The following DOCK7 variants were observed in gnomAD, a reference collection of about 807,000 sequenced individuals.
DOCK7 encodes the protein dedicator of cytokinesis 7.
In DOCK7, 138 loss-of-function variants were observed where a neutral mutation model predicts 271.0. The observed-to-expected ratio is 0.51, with a 90% CI of 0.44 to 0.59. The LOEUF (loss-of-function observed/expected upper bound fraction) is 0.59. Ranked by LOEUF, DOCK7 falls within the 20% of genes least tolerant of loss-of-function variation. DOCK7 has a pLI of 0.00. For synonymous variants in DOCK7, 823 were observed against 876.1 expected (o/e 0.94, Z 1.07); for missense variants, 2,066 against 2,592.4 (o/e 0.80, Z 4.41).
intron 31 of DOCK7, among the ~76,000 whole-genome samples, chr1:62,520,245 A>G (rs1331549077): frequency 1.3e-5 from 2 of 152,240 alleles, no homozygotes; most frequent in Admixed American, 1.3e-4. Context: ...GCCAAAATTG[A>G]CAAATGGGAT....
At chr1:62,545,164 A>G in intron 22 of DOCK7, 125 bp from the exon 23 acceptor site, 1 of 817,410 alleles carries the variant, frequency 1.2e-6, no homozygotes, top group South Asian at 2.2e-5. Flanking sequence ...TGTTAAAGCA[A>G]CCAAAATTTG....
intron 15 of DOCK7, chr1:62,584,406 C>G: frequency 1.0e-6 from 1 of 989,430 alleles, no homozygotes; most frequent in Non-Finnish European, 1.2e-6. Flanking sequence ...TTAAACAGCC[C>G]TTTTTTTAAA....
chr1:62,645,241 C>T (rs1656503602), intron 7 of DOCK7, among the ~76,000 whole-genome samples: 1 of 151,964 alleles, frequency 6.6e-6, no homozygotes, highest in African/African-American at 2.4e-5. Context: ...CCACAAAAAC[C>T]TATATACAAA....
At chr1:62,649,454 A>G (rs1187532405) in intron 4 of DOCK7, among the ~76,000 whole-genome samples, 1 of 152,212 alleles carries the variant, frequency 6.6e-6, no homozygotes, top group Non-Finnish European at 1.5e-5. Context: ...AAAGACACTC[A>G]ATATAGTAAC....
chr1:62,562,247 T>TTTTTTTTTTC, intron 18 of DOCK7, among the ~76,000 whole-genome samples: 1 of 133,776 alleles, frequency 7.5e-6, no homozygotes, highest in South Asian at 2.5e-4. Flanking sequence ...TTTTTTTTTT[T>TTTTTTTTTTC]TTGAAATAGA....
At chr1:62,603,668 A>T (rs917526105) in intron 14 of DOCK7, among the ~76,000 whole-genome samples, 1 of 151,782 alleles carries the variant, frequency 6.6e-6, no homozygotes, top group Non-Finnish European at 1.5e-5. Flanking sequence ...TCTACCAATG[A>T]CGAGACTTTA....
chr1:62,459,263 A>G (rs1225135534), intron 48 of DOCK7: 1 of 144,090 alleles, frequency 6.9e-6, no homozygotes, highest in African/African-American at 2.5e-5. Flanking sequence ...TTTTTTTTTG[A>G]GACAGTGTTG....
chr1:62,639,193 T>C (rs1655665003), intron 7 of DOCK7, among the ~76,000 whole-genome samples: 1 of 152,054 alleles, frequency 6.6e-6, no homozygotes, highest in African/African-American at 2.4e-5. Context: ...CCTGCCTCTT[T>C]TGGCCCTTTG....
chr1:62,482,850 C>A (rs1646168031), intron 43 of DOCK7: 1 of 152,142 alleles, frequency 6.6e-6, no homozygotes, highest in Non-Finnish European at 1.5e-5. Context: ...TATACTTCAG[C>A]ATAAAAATCA....
chr1:62,506,417 T>C (rs1464737823), intron 35 of DOCK7, among the ~76,000 whole-genome samples: 1 of 152,082 alleles, frequency 6.6e-6, no homozygotes, highest in East Asian at 1.9e-4. Context: ...TATCTTGGAC[T>C]TATTAAATTT....
chr1:62,604,707 A>G (rs1571736476), intron 14 of DOCK7: 1 of 1,613,324 alleles, frequency 6.2e-7, no homozygotes, highest in African/African-American at 1.3e-5. Flanking sequence ...AGCAAAATCT[A>G]AGCCAGAGAG....
intron 22 of DOCK7, among the ~76,000 whole-genome samples, chr1:62,551,642 T>C (rs1645909224): frequency 6.6e-6 from 1 of 152,010 alleles, no homozygotes; most frequent in Non-Finnish European, 1.5e-5. Flanking sequence ...TATTAGTGAT[T>C]ACAACTAAAC....
rs751507729 is a variant in DOCK7, at chr1:62,647,798, C to A, written c.733-22G>T. ...CTTCCTACAAATTGAAAAGCAACAC[C>A]AAAATGAATATGCTTATCATATTCC... On this transcript the variant is annotated intron_variant, in intron 6 of 49. Transcript: ENST00000635253. 2.5e-5 allele frequency: 37 copies of A among 1,508,328 alleles called. No homozygotes were observed. The South Asian group carries it at 4.3e-4, about 18-fold the overall frequency. 93.4% of individuals were successfully genotyped at this position (1,508,328 alleles called of 1,614,324 possible).
intron 22 of DOCK7, among the ~76,000 whole-genome samples, chr1:62,549,926 TTG>T (rs1281604985): frequency 4.6e-5 from 7 of 152,238 alleles, no homozygotes; most frequent in Non-Finnish European, 7.3e-5. Flanking sequence ...CATGTGAAGC[TTG>T]TCTTTCTGTG....
chr1:62,597,575 A>T (rs1394023534), intron 14 of DOCK7: 7 of 1,612,578 alleles, frequency 4.3e-6, no homozygotes, highest in Non-Finnish European at 5.9e-6. Context: ...AAATGTTCAC[A>T]ATTAAGCTCC....
Position 62,552,792 on chromosome 1 carries a change from T to C in DOCK7, c.2706A>G (p.Pro902=), listed in dbSNP as rs1347368530. Residue 902 remains proline, a synonymous_variant, in exon 22 of 50, where the codon CCA becomes CCG. Transcript: ENST00000635253. The stretch of plus-strand genomic sequence containing the variant: ...GTGACGTGGGAGTCCCAGATATATC[T>C]GGATTGCTATTACTAAGGCTTCGAG... ...NRSRSLSNSN[P]DISGTPTSPD... is the part of the protein sequence containing the mutation. 1 of 1,614,008 alleles carries C rather than the reference T, an allele frequency of 6.2e-7. No individual in the cohort carries two copies. Among genetic ancestry groups the C allele is most frequent in the Non-Finnish European group, 8.5e-7 (1 of 1,179,976 alleles).
intron 42 of DOCK7, chr1:62,487,753 A>G (rs921024894): frequency 9.7e-6 from 2 of 205,430 alleles, no homozygotes; most frequent in African/African-American, 2.3e-5. Context: ...ACAAACTGCA[A>G]CTCTGCTCAA....
chr1:62,681,474 T>C (rs1315450611), intron 1 of DOCK7, among the ~76,000 whole-genome samples: 2 of 149,926 alleles, frequency 1.3e-5, no homozygotes, highest in Non-Finnish European at 3.0e-5. Context: ...ACATGGCGCA[T>C]GTATACATAT....
At chr1:62,465,682 C>T (rs1408706512) in intron 48 of DOCK7, among the ~76,000 whole-genome samples, 1 of 151,980 alleles carries the variant, frequency 6.6e-6, no homozygotes, top group Non-Finnish European at 1.5e-5. Flanking sequence ...CTCCGGAGTA[C>T]CTGGGATTAC....
Sources: allele counts gnomAD v4.1 joint callset (sites outside exome capture counted in the v4.1 genomes callset), GRCh38; gene constraint gnomAD v4.1.1; transcripts MANE v1.5; gene names NCBI Gene and HGNC (gene_info 2026-07-23, HGNC 2026-07-21).